RALYL: variants seen among roughly 807,000 people sequenced by gnomAD.
RALYL encodes RNA-binding Raly-like protein.
A neutral mutation model predicts 35.1 loss-of-function variants in RALYL; 29 were observed. The observed-to-expected ratio is 0.83, with a 90% CI of 0.61 to 1.13. The LOEUF (loss-of-function observed/expected upper bound fraction) is 1.13, where lower values mean the gene tolerates loss of function less well. Among genes scored for constraint, RALYL ranks in the 50% most tolerant of loss-of-function variants. The pLI is 0.00. For synonymous variants in RALYL, 120 were observed against 127.6 expected, an observed-to-expected ratio of 0.94 and a Z score of 0.40; for missense variants, 359 against 360.4, an observed-to-expected ratio of 1.00 and a Z score of 0.03.
intron 5 of RALYL, among the ~76,000 whole-genome samples, chr8:84,860,560 T>G (rs907871640): frequency 2.0e-5 from 3 of 152,222 alleles, no homozygotes; most frequent in African/African-American, 7.2e-5. Context: ...CTGACCCTTT[T>G]GATTCTCAAG....
chr8:84,566,909 G>A (rs1440978205), intron 2 of RALYL, among the ~76,000 whole-genome samples: 2 of 151,522 alleles, frequency 1.3e-5, no homozygotes, highest in Admixed American at 6.6e-5. Context: ...AAGTGACTGT[G>A]TTAATACATT....
chr8:84,638,502 G>T (rs184858644), intron 2 of RALYL, among the ~76,000 whole-genome samples: 2 of 151,540 alleles, frequency 1.3e-5, no homozygotes, highest in Non-Finnish European at 2.9e-5. Flanking sequence ...AAATGCAAAA[G>T]ATAAATGAAA....
intron 1 of RALYL, among the ~76,000 whole-genome samples, chr8:84,428,181 T>G (rs1438477364): frequency 3.3e-5 from 5 of 151,924 alleles, no homozygotes; most frequent in Non-Finnish European, 1.5e-5. Context: ...TGAAACTATT[T>G]AAAATAAATA....
intron 1 of RALYL, among the ~76,000 whole-genome samples, chr8:84,297,974 T>C (rs541391156): frequency 7.9e-5 from 12 of 152,272 alleles, no homozygotes; most frequent in Non-Finnish European, 1.3e-4. Context: ...TTTTCTCCCA[T>C]TCTGCAGGTT....
At chr8:84,725,155 C>T (rs1052759818) in intron 2 of RALYL, among the ~76,000 whole-genome samples, 1 of 151,592 alleles carries the variant, frequency 6.6e-6, no homozygotes, top group Admixed American at 6.6e-5. Flanking sequence ...AGTACCAATG[C>T]TATTCAAGTG....
chr8:84,775,985 T>A (rs1178489217), intron 3 of RALYL, among the ~76,000 whole-genome samples: 4 of 152,210 alleles, frequency 2.6e-5, no homozygotes, highest in African/African-American at 9.6e-5. Context: ...TATTTGGTTT[T>A]CTCCCAGATA....
chr8:84,582,968 C>T (rs1811175606), intron 2 of RALYL, among the ~76,000 whole-genome samples: 1 of 152,002 alleles, frequency 6.6e-6, no homozygotes, highest in African/African-American at 2.4e-5. Context: ...TTCCTTTATT[C>T]TTAAGTAATC....
chr8:84,580,772 A>C (rs1051700632), intron 2 of RALYL, among the ~76,000 whole-genome samples: 1 of 152,190 alleles, frequency 6.6e-6, no homozygotes. Context: ...TTGCTGCATA[A>C]TAAGTCACCC....
At chr8:84,705,893 G>A in intron 2 of RALYL, 1 of 1,470,890 alleles carries the variant, frequency 6.8e-7, no homozygotes, top group African/African-American at 1.4e-5. Flanking sequence ...TATTACCCTG[G>A]CTTTCACTGT....
At position 84,534,211 on chromosome 8, in the gene RALYL, A is replaced by G. The variant is rs73688500; in HGVS notation, c.256+4634A>G. On this transcript the variant is annotated intron_variant, in intron 2 of 8. Coordinates refer to ENST00000521268, the MANE Select transcript of RALYL (RefSeq NM_173848.7). ...TGAACAACTTGTGTTCTATCGCCCA[A>G]CAGGGCCTGTGCACATGCTATCTTG... 3.7e-3 allele frequency among the ~76,000 whole-genome samples: 571 copies of G among 152,364 alleles called. 5 individuals carry two copies. The highest frequency in any genetic ancestry group is 0.013 in the African/African-American group (548 of 41,590).
At chr8:84,735,961 G>A (rs1218667160) in intron 2 of RALYL, among the ~76,000 whole-genome samples, 1 of 151,816 alleles carries the variant, frequency 6.6e-6, no homozygotes, top group Non-Finnish European at 1.5e-5. Flanking sequence ...TCAAAATACT[G>A]CAAAGTCAAA....
intron 1 of RALYL, among the ~76,000 whole-genome samples, chr8:84,395,826 G>C (rs916657699): frequency 2.6e-5 from 4 of 151,856 alleles, no homozygotes; most frequent in Non-Finnish European, 5.9e-5. Flanking sequence ...TGAGAAATGT[G>C]AATGTAAAAT....
chr8:84,448,944 T>C (rs1198867612), intron 1 of RALYL, among the ~76,000 whole-genome samples: 1 of 152,032 alleles, frequency 6.6e-6, no homozygotes, highest in Non-Finnish European at 1.5e-5. Flanking sequence ...GCAGCCTGAT[T>C]ATAGGTAACT....
At chr8:84,651,706 A>G (rs1428949443) in intron 2 of RALYL, among the ~76,000 whole-genome samples, 2 of 152,084 alleles carry the variant, frequency 1.3e-5, no homozygotes, top group African/African-American at 4.8e-5. Context: ...AAAACGTGTT[A>G]TATGAAAAAA....
chr8:84,470,225 A>T (rs1159263978), intron 1 of RALYL, among the ~76,000 whole-genome samples: 1 of 152,226 alleles, frequency 6.6e-6, no homozygotes, highest in Admixed American at 6.5e-5. Flanking sequence ...GTACACATCC[A>T]CTTGCATAGA....
At position 84,763,149 on chromosome 8, in the gene RALYL, A is replaced by G. The variant is rs1398162340; in HGVS notation, c.257-11430A>G. On this transcript the variant is annotated intron_variant, in intron 2 of 8. Coordinates refer to ENST00000521268, the MANE Select transcript of RALYL (RefSeq NM_173848.7). ...AGCAGCCTCGGTTTTTTAAATGTGG[A>G]ATACAAAGTCATCACAAAAAGGACC... 2.0e-5 allele frequency among the ~76,000 whole-genome samples: 3 copies of G among 152,118 alleles called. No individual in the cohort carries two copies. In the East Asian group the frequency reaches 5.8e-4, roughly 29 times the overall value.
intron 1 of RALYL, among the ~76,000 whole-genome samples, chr8:84,483,388 A>G (rs1394463216): frequency 2.6e-5 from 4 of 152,098 alleles, no homozygotes; most frequent in African/African-American, 7.2e-5. Flanking sequence ...CTATTGCAAT[A>G]TAGACCTTGT....
chr8:84,812,005 C>T (rs775798667), intron 4 of RALYL, among the ~76,000 whole-genome samples: 9 of 151,902 alleles, frequency 5.9e-5, no homozygotes, highest in Non-Finnish European at 1.0e-4. Flanking sequence ...TCAGGTAAAT[C>T]GGGGATTTCT....
chr8:84,417,881 A>T (rs1342182661), intron 1 of RALYL, among the ~76,000 whole-genome samples: 1 of 152,180 alleles, frequency 6.6e-6, no homozygotes, highest in Non-Finnish European at 1.5e-5. Context: ...GATAGTCTCA[A>T]GGCTTCAGCT....
Sources: gnomAD v4.1 joint callset for allele counts (sites outside exome capture counted in the v4.1 genomes callset) on GRCh38, gnomAD v4.1.1 for gene constraint, MANE v1.5 for transcripts, NCBI Gene and HGNC (gene_info 2026-07-23, HGNC 2026-07-21) for gene names.